The following SLC6A4 variants were observed in gnomAD, a reference collection of about 807,000 sequenced individuals.
SLC6A4 encodes the protein sodium-dependent serotonin transporter.
SLC6A4 carries 22 observed loss-of-function variants against 73.4 expected under a neutral mutation model. The observed-to-expected ratio is 0.30, with a 90% CI of 0.21 to 0.43. The LOEUF (loss-of-function observed/expected upper bound fraction) is 0.43, where lower values mean the gene tolerates loss of function less well. Among genes scored for constraint, SLC6A4 ranks in the 20% least tolerant of loss-of-function variants. The pLI is 1.00. For missense variants in SLC6A4, 593 were observed against 808.5 expected, an observed-to-expected ratio of 0.73 and a Z score of 3.23; for synonymous variants, 270 against 315.5, an observed-to-expected ratio of 0.86 and a Z score of 1.53.
intron 1 of SLC6A4, among the ~76,000 whole-genome samples, chr17:30,233,733 T>C (rs1232527160): frequency 6.6e-6 from 1 of 152,202 alleles, no homozygotes; most frequent in Non-Finnish European, 1.5e-5. Context: ...AGTGACTGTA[T>C]AATTTTTGCT....
chr17:30,212,902 G>T (rs758920301), intron 8 of SLC6A4, 35 bp from the exon 9 acceptor site: 4 of 1,612,074 alleles, frequency 2.5e-6, no homozygotes, highest in Non-Finnish European at 3.4e-6. Context: ...GCCTGAGACA[G>T]TTCCAAGATC....
chr17:30,218,383 G>A (rs1473029568), intron 4 of SLC6A4, 46 bp from the exon 5 acceptor site: 2 of 1,487,888 alleles, frequency 1.3e-6, no homozygotes, highest in Non-Finnish European at 9.3e-7. Flanking sequence ...GTTTAAGGGT[G>A]GCCCAACGGC....
chr17:30,216,244 C>G, intron 6 of SLC6A4, 28 bp from the exon 7 acceptor site: 1 of 1,139,764 alleles, frequency 8.8e-7, no homozygotes, highest in South Asian at 1.3e-5. Context: ...TATCACCATG[C>G]TGTTCCAGGG....
chr17:30,229,400 T>A (rs1214835555), intron 1 of SLC6A4, among the ~76,000 whole-genome samples: 1 of 151,904 alleles, frequency 6.6e-6, no homozygotes, highest in East Asian at 1.9e-4. Context: ...GGCTTAGGGG[T>A]GGGGAGGGGG....
intron 3 of SLC6A4, among the ~76,000 whole-genome samples, chr17:30,219,701 G>A (rs1013582711): frequency 6.6e-6 from 1 of 152,190 alleles, no homozygotes. Flanking sequence ...GTGTCTCCTG[G>A]ATCTTGTGGC....
At chr17:30,209,266 G>A in intron 11 of SLC6A4, 24 bp from the exon 12 acceptor site, 1 of 1,484,708 alleles carries the variant, frequency 6.7e-7, no homozygotes. Context: ...CAGAGCCTGG[G>A]TGAGGGCCCT....
At position 30,207,732 on chromosome 17, in the gene SLC6A4, C is replaced by T; in HGVS notation, c.1650G>A (p.Leu550=). ...GAGGAGAAGGGAAATGGCAACTCAC[C>T]AGGAGAAACAGAGGGCTGATGGCCA... ...CWVAISPLFL[L]FIICSFLMSP... is the part of the protein sequence containing the mutation. The change falls in exon 13 of 15, where the codon CTG becomes CTA. Residue 550 remains leucine (L), a splice_region_variant and synonymous_variant. Transcript: ENST00000650711. 1 of 1,602,332 alleles carries T rather than the reference C, an allele frequency of 6.2e-7. No homozygotes were observed. Among genetic ancestry groups the T allele is most frequent in the Non-Finnish European group, 8.6e-7 (1 of 1,169,336 alleles).
At chr17:30,234,442 A>G (rs2020934) in intron 1 of SLC6A4, among the ~76,000 whole-genome samples, 86,259 of 151,968 alleles carry the variant, frequency 0.57, 26,052 homozygotes, top group African/African-American at 0.78. Flanking sequence ...ACTCATCCAT[A>G]TTGGAACGGT....
chr17:30,233,895 G>A (rs575411600), intron 1 of SLC6A4, among the ~76,000 whole-genome samples: 46 of 152,064 alleles, frequency 3.0e-4, no homozygotes, highest in Non-Finnish European at 6.3e-4. Flanking sequence ...AGGAGAAGGA[G>A]CTGCCACGTA....
rs2143015196 is a variant in SLC6A4, at chr17:30,218,911, T to C, written c.364A>G (p.Thr122Ala). ...NGGGAFLLPY[T>A]IMAIFGGIPL... ...ATTCCCCCAAAAATGGCCATGATGGTGTAGGGGAGGAGGAATGCCCCTGAG... is the reference window on the plus strand; with the variant it reads ...ATTCCCCCAAAAATGGCCATGATGGCGTAGGGGAGGAGGAATGCCCCTGAG... The change falls in exon 4 of 15, where the codon ACC (threonine) becomes GCC (alanine). Residue 122 changes from threonine to alanine, a missense_variant. Transcript: ENST00000650711. 6.2e-7 allele frequency: 1 copy of C among 1,614,068 alleles called. No individual in the cohort carries two copies. The highest frequency in any genetic ancestry group is 8.5e-7 in the Non-Finnish European group (1 of 1,180,024).
rs1291723960 is a variant in SLC6A4 at position 30,210,610 on chromosome 17, C to T, written c.1354G>A (p.Asp452Asn). The T allele has an allele frequency of 6.2e-7, 1 of 1,613,688 alleles. No homozygotes were observed. Among genetic ancestry groups the T allele is most frequent in the Non-Finnish European group, 8.5e-7 (1 of 1,179,824 alleles). ...GLEGVITAVL[D>N]EFPHVWAKRR... ...TTGGCCCAGACGTGTGGGAACTCAT[C>T]CAGCACAGCCGTGATCACCCCCTCC... The change falls in exon 11 of 15, where the codon GAT (aspartate) becomes AAT (asparagine). Residue 452 changes from aspartate to asparagine, a missense_variant. By Grantham distance (23) the Asp-to-Asn change is conservative. Coordinates refer to ENST00000650711, the MANE Select transcript of SLC6A4 (RefSeq NM_001045.6).
intron 12 of SLC6A4, among the ~76,000 whole-genome samples, chr17:30,208,841 G>T (rs987843449): frequency 6.7e-6 from 1 of 150,172 alleles, no homozygotes; most frequent in Non-Finnish European, 1.5e-5. Flanking sequence ...ACAGGCTTGC[G>T]CCATCATGCC....
chr17:30,225,268 A>T (rs935197535), intron 1 of SLC6A4, among the ~76,000 whole-genome samples: 1 of 151,766 alleles, frequency 6.6e-6, no homozygotes, highest in Non-Finnish European at 1.5e-5. Flanking sequence ...GGTAGAGGAA[A>T]ACTCCTCTCG....
intron 1 of SLC6A4, among the ~76,000 whole-genome samples, chr17:30,223,261 ACCCTT>A (rs1340719286): frequency 6.6e-6 from 1 of 152,118 alleles, no homozygotes; most frequent in African/African-American, 2.4e-5. Flanking sequence ...ATGACACTGG[ACCCTT>A]CTAGAAAAGA....
At chr17:30,203,954 C>T (rs1038213598) in intron 13 of SLC6A4, among the ~76,000 whole-genome samples, 2 of 152,232 alleles carry the variant, frequency 1.3e-5, no homozygotes, top group Non-Finnish European at 2.9e-5. Flanking sequence ...TAAGCTGCAT[C>T]GCCTGGAGTT....
In SLC6A4 at chr17:30,222,071, C is replaced by T. The variant is rs756706944; in HGVS notation, c.-113G>A. On this transcript the variant is annotated 5_prime_UTR_variant, in exon 3 of 15. Transcript: ENST00000650711. ...CTCTCTATCGTCGGGATTGACACGT[C>T]GGGATTGACTCTGTTGGAAAGACAC... The T allele has an allele frequency of 5.7e-6, 9 of 1,569,768 alleles. No homozygotes were observed. Among genetic ancestry groups the T allele is most frequent in the African/African-American group, 5.4e-5 (4 of 73,510 alleles).
chr17:30,207,616 C>CAA, intron 13 of SLC6A4, 116 bp downstream of exon 13: 2 of 683,834 alleles, frequency 2.9e-6, no homozygotes, highest in South Asian at 3.7e-5. Flanking sequence ...CTCAGACTCC[C>CAA]AAAGTGTTGG....
rs1905802013 is a variant in SLC6A4 at position 30,194,797 on chromosome 17, T to A, written c.*3659A>T. On this transcript the variant is annotated 3_prime_UTR_variant, in exon 15 of 15. Transcript: ENST00000650711. ...TAAAAATTGCTAGACACAATTCTTA[T>A]CTACTATAATTGGAGTCTTCAGTTA... 1 of 152,212 alleles carries A rather than the reference T, an allele frequency of 6.6e-6. No homozygotes were observed. Among genetic ancestry groups the A allele is most frequent in the African/African-American group, 2.4e-5 (1 of 41,466 alleles). 9.4% of individuals were successfully genotyped at this position (152,212 alleles called of 1,614,324 possible).
At chr17:30,218,039 T>C (rs916216776) in intron 5 of SLC6A4, 79 bp downstream of exon 5, 8 of 1,127,436 alleles carry the variant, frequency 7.1e-6, no homozygotes, top group Non-Finnish European at 1.1e-5. Context: ...CCCTTGGCCC[T>C]GGCCTTCTTT....
Sources: allele counts gnomAD v4.1 joint callset (sites outside exome capture counted in the v4.1 genomes callset), GRCh38; gene constraint gnomAD v4.1.1; transcripts MANE v1.5; gene names NCBI Gene and HGNC (gene_info 2026-07-23, HGNC 2026-07-21).